The following MED1 variants were observed in gnomAD, a reference collection of about 807,000 sequenced individuals.
The protein encoded by MED1 is mediator complex subunit 1.
A neutral mutation model predicts 121.3 loss-of-function variants in MED1; 17 were observed. The observed-to-expected ratio is 0.14, with a 90% CI of 0.10 to 0.21. The LOEUF is 0.21. Among genes scored for constraint, MED1 ranks in the 10% least tolerant of loss-of-function variants. The pLI is 1.00. For missense variants in MED1, 1,558 were observed against 1,919.4 expected (o/e 0.81, Z 3.52); for synonymous variants, 661 against 694.4 (o/e 0.95, Z 0.76).
intron 6 of MED1, among the ~76,000 whole-genome samples, chr17:39,437,816 C>T (rs899945004): frequency 6.6e-6 from 1 of 151,904 alleles, no homozygotes; most frequent in Non-Finnish European, 1.5e-5. Flanking sequence ...TGCCTGTAAT[C>T]CCAGCTACTC....
chr17:39,441,641 G>A (rs979606625), intron 3 of MED1, among the ~76,000 whole-genome samples: 5 of 152,012 alleles, frequency 3.3e-5, no homozygotes, highest in African/African-American at 1.2e-4. Flanking sequence ...GTGGTGGTGC[G>A]CGCCTATAAT....
intron 1 of MED1, among the ~76,000 whole-genome samples, chr17:39,449,667 T>C (rs1446976011): frequency 6.6e-6 from 1 of 150,974 alleles, no homozygotes; most frequent in Non-Finnish European, 1.5e-5. Context: ...CATGCCACTG[T>C]GCCTGGCTAA....
At chr17:39,431,621 G>A (rs778396835) in intron 8 of MED1, among the ~76,000 whole-genome samples, 11 of 152,100 alleles carry the variant, frequency 7.2e-5, no homozygotes, top group Non-Finnish European at 1.0e-4. Flanking sequence ...TCTTGTAATT[G>A]GGCATATAGC....
rs2048778679 is a variant in MED1, at chr17:39,451,138, G to A, written c.-76C>T. On this transcript the variant is annotated 5_prime_UTR_variant, in exon 1 of 17. Transcript: ENST00000300651. ...CACCACTAACGGAGGAAACAAGTTG[G>A]CTCGGGATCCCGGGACGCAGGGCAC... 10 of 1,561,630 alleles carry A rather than the reference G, an allele frequency of 6.4e-6. No individual in the cohort carries two copies. The highest frequency in any genetic ancestry group is 8.8e-6 in the Non-Finnish European group (10 of 1,140,034).
At chr17:39,439,798 C>T (rs1305002883) in intron 5 of MED1, among the ~76,000 whole-genome samples, 1 of 151,780 alleles carries the variant, frequency 6.6e-6, no homozygotes, top group African/African-American at 2.4e-5. Context: ...ATTAGCCAGG[C>T]ATGGTGGCAC....
intron 10 of MED1, among the ~76,000 whole-genome samples, chr17:39,427,158 C>T (rs1363893812): frequency 6.6e-6 from 1 of 151,958 alleles, no homozygotes; most frequent in East Asian, 1.9e-4. Context: ...TTATGAGTTG[C>T]TCATTTACTT....
chr17:39,421,145 G>T (rs554443316), intron 13 of MED1, among the ~76,000 whole-genome samples: 4 of 150,742 alleles, frequency 2.7e-5, no homozygotes, highest in Non-Finnish European at 5.9e-5. Flanking sequence ...GGATTTTGCC[G>T]GAGGATGAGG....
At chr17:39,420,652 G>C (rs1280639834) in intron 13 of MED1, among the ~76,000 whole-genome samples, 1 of 151,756 alleles carries the variant, frequency 6.6e-6, no homozygotes, top group Non-Finnish European at 1.5e-5. Context: ...TATTACTTTT[G>C]AGACAGGGTT....
intron 9 of MED1, among the ~76,000 whole-genome samples, chr17:39,430,023 G>A (rs2048551048): frequency 2.0e-5 from 3 of 151,512 alleles, no homozygotes; most frequent in Admixed American, 2.0e-4. Flanking sequence ...GTTGAGGCTG[G>A]AGTGAGTCAT....
Position 39,427,242 on chromosome 17 carries a change from C to T in MED1, c.739+459G>A, listed in dbSNP as rs570069524. Among the ~76,000 whole-genome samples, 17 of 152,072 alleles carry T rather than the reference C, an allele frequency of 1.1e-4. No individual in the cohort carries two copies. The South Asian group carries it at 2.9e-3, about 26-fold the overall frequency. ...TGTCACCCAGACTGGAGTGCAGTGA[C>T]GCAATCTTGACTCACTGCAACCTCC... On this transcript the variant is annotated intron_variant, in intron 10 of 16. Coordinates refer to ENST00000300651, the MANE Select transcript of MED1 (RefSeq NM_004774.4).
chr17:39,412,232 T>C (rs976896200), intron 16 of MED1, among the ~76,000 whole-genome samples: 26 of 149,578 alleles, frequency 1.7e-4, no homozygotes, highest in East Asian at 5.8e-4. Flanking sequence ...TTTTTTCTTT[T>C]TTTTTTTTTT....
Position 39,440,001 on chromosome 17 carries a change from GGAAGGAAGGAAGGAAGGAAA to G in MED1, c.399+365_399+384del, listed in dbSNP as rs1174158384. The stretch of plus-strand genomic sequence containing the variant: ...AAGAAAGAAAGAAGGAAGGAAGGAA[GGAAGGAAGGAAGGAAGGAAA>G]GAAAGAAAGAAAGAGAGAAAGAGAA... On this transcript the variant is annotated intron_variant, in intron 5 of 16. Transcript: ENST00000300651. The surrounding 1 kb of genome is among the most constrained non-coding windows in gnomAD (Gnocchi z 4.1). Among the ~76,000 whole-genome samples the G allele has an allele frequency of 1.7e-5, 2 of 121,208 alleles. No individual in the cohort carries two copies. Among genetic ancestry groups the G allele is most frequent in the African/African-American group, 2.9e-5 (1 of 34,798 alleles). 79.5% of individuals were successfully genotyped at this position (121,208 alleles called of 152,430 possible). A position where few individuals can be genotyped will look rare whatever the true frequency, so the allele number is the denominator to read the frequency against.
At position 39,440,382 on chromosome 17, in the gene MED1, A is replaced by G; in HGVS notation, c.399+4T>C. 2.6e-6 allele frequency: 4 copies of G among 1,557,748 alleles called. No individual in the cohort carries two copies. The highest frequency in any genetic ancestry group is 3.4e-6 in the Non-Finnish European group (4 of 1,160,520). ...GATTCCAGTGAAATATCAACAACAC[A>G]TACCACAGGATTCTCCCCATGGTGA... is the stretch of plus-strand genomic sequence containing the variant. On this transcript the variant is annotated splice_donor_region_variant and intron_variant, in intron 5 of 16. Coordinates refer to ENST00000300651, the MANE Select transcript of MED1 (RefSeq NM_004774.4). This position sits in a 1 kb window ranked among gnomAD's most constrained non-coding sequence, Gnocchi z 4.1.
chr17:39,410,907 A>G (rs1053404986), intron 16 of MED1, among the ~76,000 whole-genome samples, 186 bp from the exon 17 acceptor site: 6 of 152,242 alleles, frequency 3.9e-5, no homozygotes, highest in Admixed American at 1.3e-4. Context: ...CTAACCCAAC[A>G]TAAAATTGTC....
At chr17:39,448,719 G>C (rs915662593) in intron 1 of MED1, among the ~76,000 whole-genome samples, 2 of 152,156 alleles carry the variant, frequency 1.3e-5, no homozygotes, top group African/African-American at 4.8e-5. Context: ...AGACCAGCCT[G>C]ACCAACACGG....
At chr17:39,411,544 C>A (rs1376180900) in intron 16 of MED1, among the ~76,000 whole-genome samples, 2 of 152,078 alleles carry the variant, frequency 1.3e-5, no homozygotes, top group East Asian at 3.9e-4. Context: ...ATCACTTGAA[C>A]CCAGGAGGCA....
In MED1 at chr17:39,451,056, C is replaced by T. The variant is rs1256249049; in HGVS notation, c.7G>A (p.Ala3Thr). 6.2e-7 allele frequency: 1 copy of T among 1,611,716 alleles called. No homozygotes were observed. The highest frequency in any genetic ancestry group is 1.1e-5 in the South Asian group (1 of 90,554). Residue 3 changes from alanine (A) to threonine (T), a missense_variant, in exon 1 of 17, where the codon GCT becomes ACT. By Grantham distance (58) the Ala-to-Thr change is moderately conservative. Coordinates refer to ENST00000300651, the MANE Select transcript of MED1 (RefSeq NM_004774.4). Reference protein sequence around the residue: MKAQGETEESEKL... With the variant: MKTQGETEESEKL... ...CACTTACCCTCGGTTTCCCCCTGAG[C>T]TTTCATCCTGAAGGCGAGGAGAAGC... is the stretch of plus-strand genomic sequence containing the variant.
chr17:39,423,577 C>T (rs2048487181), intron 12 of MED1, 120 bp downstream of exon 12: 2 of 1,474,804 alleles, frequency 1.4e-6, no homozygotes, highest in Admixed American at 1.7e-5. Flanking sequence ...AGCACTATAA[C>T]ATCTTTACCA....
intron 2 of MED1, among the ~76,000 whole-genome samples, chr17:39,446,182 T>G (rs1289117708): frequency 1.3e-5 from 2 of 151,800 alleles, no homozygotes; most frequent in Non-Finnish European, 2.9e-5. Context: ...CTAAGCGCAG[T>G]GGCTACGCCT....
Sources: gnomAD v4.1 joint callset for allele counts (sites outside exome capture counted in the v4.1 genomes callset) on GRCh38, gnomAD v4.1.1 for gene constraint, Gnocchi (gnomAD v3.1) non-coding constraint, MANE v1.5 for transcripts, NCBI Gene and HGNC (gene_info 2026-07-23, HGNC 2026-07-21) for gene names.